Variants in CAMTA1 observed in about 807,000 individuals in gnomAD.
The protein encoded by CAMTA1 is calmodulin binding transcription activator 1.
A neutral mutation model predicts 170.9 loss-of-function variants in CAMTA1; 27 were observed. The ratio of observed to expected loss-of-function variants is 0.16; its 90% CI spans 0.12 to 0.22. The LOEUF (loss-of-function observed/expected upper bound fraction) is 0.22, where lower values mean the gene tolerates loss of function less well. Ranked by LOEUF, CAMTA1 falls within the 10% of genes least tolerant of loss-of-function variation. The probability of loss-of-function intolerance (pLI) is 1.00; values close to 1 mark genes in which losing one functional copy is unlikely to be tolerated. For missense variants in CAMTA1, 1,619 were observed against 2,217.2 expected (o/e 0.73, Z 5.42); for synonymous variants, 833 against 891.5 (o/e 0.93, Z 1.17).
In CAMTA1 at chr1:7,534,240, C is replaced by T. The variant is rs1372983800; in HGVS notation, c.510+66339C>T. The stretch of plus-strand genomic sequence containing the variant: ...ATTAGTCTTTCCTTTCCGTGAGAAA[C>T]ATCATAACGTTCAGCAGAGCCCAGG... On this transcript the variant is annotated intron_variant, in intron 6 of 22. Transcript: ENST00000303635. This position sits in a 1 kb window ranked among gnomAD's most constrained non-coding sequence, Gnocchi z 5.6. 6.6e-6 allele frequency among the ~76,000 whole-genome samples: 1 copy of T among 152,186 alleles called. No individual in the cohort carries two copies. The highest frequency in any genetic ancestry group is 1.5e-5 in the Non-Finnish European group (1 of 68,034).
intron 6 of CAMTA1, among the ~76,000 whole-genome samples, chr1:7,523,528 A>G (rs548096613): frequency 1.3e-5 from 2 of 152,204 alleles, no homozygotes; most frequent in Non-Finnish European, 2.9e-5. Context: ...CTCCATTGGC[A>G]TGTTGTCATT....
rs11578956 is a variant in CAMTA1, at chr1:7,228,105, C to T, written c.303-21386C>T. Among the ~76,000 whole-genome samples the T allele has an allele frequency of 4.8e-3, 727 of 152,342 alleles. 3 individuals are homozygous for T. The highest frequency in any genetic ancestry group is 9.7e-3 in the Admixed American group (148 of 15,302). ...AGAAGGAACTGGTTGCATTAAACAG[C>T]CTTATTAATATTGCAGTAACATGAT... On this transcript the variant is annotated intron_variant, in intron 4 of 22. Coordinates refer to ENST00000303635, the MANE Select transcript of CAMTA1 (RefSeq NM_015215.4).
At position 7,707,374 on chromosome 1, in the gene CAMTA1, G is replaced by T. The variant is rs904910209; in HGVS notation, c.2915-25074G>T. Among the ~76,000 whole-genome samples, 3 of 151,996 alleles carry T rather than the reference G, an allele frequency of 2.0e-5. No individual in the cohort carries two copies. The South Asian group carries it at 6.2e-4, about 32-fold the overall frequency. ...TGGTTGATATGAAAGTTTCCCGAGTGAAAGGTGTGAGGCTCTTTTTGAAAC... is the reference window on the plus strand; with the variant it reads ...TGGTTGATATGAAAGTTTCCCGAGTTAAAGGTGTGAGGCTCTTTTTGAAAC... On this transcript the variant is annotated intron_variant, in intron 11 of 22. Transcript: ENST00000303635.
intron 22 of CAMTA1, among the ~76,000 whole-genome samples, chr1:7,758,195 G>A (rs182109639): frequency 3.2e-4 from 49 of 152,254 alleles, no homozygotes; most frequent in African/African-American, 1.1e-3. Context: ...TTGCTTATGC[G>A]TTTTTGAAAC....
intron 3 of CAMTA1, among the ~76,000 whole-genome samples, chr1:6,892,391 A>T (rs1356758684): frequency 6.6e-6 from 1 of 152,178 alleles, no homozygotes; most frequent in South Asian, 2.1e-4. Context: ...TGTGGGTTAC[A>T]TATTGTGCTA....
At chr1:7,008,892 T>C (rs1318459440) in intron 3 of CAMTA1, among the ~76,000 whole-genome samples, 1 of 152,270 alleles carries the variant, frequency 6.6e-6, no homozygotes, top group African/African-American at 2.4e-5. Context: ...ATAAATGTTA[T>C]GGTTTAATGT....
chr1:7,194,086 C>CTGTT (rs1655065265), intron 4 of CAMTA1, among the ~76,000 whole-genome samples: 1 of 152,206 alleles, frequency 6.6e-6, no homozygotes, highest in Admixed American at 6.5e-5. Context: ...TTAAAGGATG[C>CTGTT]ATATTAAAAG....
intron 5 of CAMTA1, among the ~76,000 whole-genome samples, chr1:7,353,407 A>G (rs945983828): frequency 6.0e-5 from 8 of 132,404 alleles, no homozygotes; most frequent in African/African-American, 2.2e-4. Flanking sequence ...CCAAATCTGA[A>G]CTCTTTTTTT....
rs1161968831 is a variant in CAMTA1, at chr1:6,963,270, GGCCCCCCC to G, written c.235-128033_235-128026del. On this transcript the variant is annotated intron_variant, in intron 3 of 22. Transcript: ENST00000303635. ...CCCATCTGGCTCCTCCCACCCACCT[GGCCCCCCC>G]CCCCCCCCCGCTTTCCATCCCGGCC... Among the ~76,000 whole-genome samples, 6 of 5,462 alleles carry G rather than the reference GGCCCCCCC, an allele frequency of 1.1e-3. 1 individual carries two copies. Among genetic ancestry groups the G allele is most frequent in the Admixed American group, 4.8e-3 (3 of 624 alleles). The allele number at this position is 5,462 out of a possible 152,430, so 3.6% of individuals were successfully genotyped here. A position where few individuals can be genotyped will look rare whatever the true frequency, so the allele number is the denominator to read the frequency against.
chr1:7,253,395 G>A (rs980693137), intron 5 of CAMTA1, among the ~76,000 whole-genome samples: 2 of 152,170 alleles, frequency 1.3e-5, no homozygotes, highest in African/African-American at 4.8e-5. Flanking sequence ...GGCCCCAGAA[G>A]CTTGTGGGGC....
At chr1:7,174,241 C>G (rs529440710) in intron 4 of CAMTA1, among the ~76,000 whole-genome samples, 73 of 152,140 alleles carry the variant, frequency 4.8e-4, no homozygotes, top group Non-Finnish European at 3.2e-4. Flanking sequence ...GTACAAACAG[C>G]CCCAGCTGCA....
chr1:7,065,740 CT>C lies in CAMTA1; in HGVS notation c.235-25563del. ...AGGTGGAAGCCCTAGGTCAAAATAT[CT>C]GACTGCAGAAAAGACCAGTCAGGGA... On this transcript the variant is annotated intron_variant, in intron 3 of 22. Coordinates refer to ENST00000303635, the MANE Select transcript of CAMTA1 (RefSeq NM_015215.4). The surrounding 1 kb of genome is among the most constrained non-coding windows in gnomAD (Gnocchi z 5.2). 6.6e-6 allele frequency among the ~76,000 whole-genome samples: 1 copy of C among 152,288 alleles called. No homozygotes were observed. The highest frequency in any genetic ancestry group is 2.4e-5 in the African/African-American group (1 of 41,558).
intron 6 of CAMTA1, among the ~76,000 whole-genome samples, chr1:7,572,166 G>A (rs2095133497): frequency 6.6e-6 from 1 of 152,088 alleles, no homozygotes; most frequent in Admixed American, 6.6e-5. Flanking sequence ...ATGTCCTTTT[G>A]CCTATGTTTT....
intron 16 of CAMTA1, among the ~76,000 whole-genome samples, chr1:7,739,070 A>G (rs2096791598): frequency 6.6e-6 from 1 of 152,200 alleles, no homozygotes; most frequent in Admixed American, 6.5e-5. Flanking sequence ...GAGAATATAT[A>G]CCAAAATAAA....
chr1:7,024,636 G>A (rs756131075), intron 3 of CAMTA1, among the ~76,000 whole-genome samples: 1 of 152,212 alleles, frequency 6.6e-6, no homozygotes, highest in Non-Finnish European at 1.5e-5. Flanking sequence ...TTCTAGGGCC[G>A]TGTCTGCTCC....
rs188469140 is a variant in CAMTA1, at chr1:7,510,373, C to T, written c.510+42472C>T. ...GGCTGGCATTGGAGGGTCCATCCCA[C>T]CTCTGACACCTGCTGGCATTGATGC... On this transcript the variant is annotated intron_variant, in intron 6 of 22. Coordinates refer to ENST00000303635, the MANE Select transcript of CAMTA1 (RefSeq NM_015215.4). 3.4e-3 allele frequency among the ~76,000 whole-genome samples: 502 copies of T among 145,676 alleles called. 30 individuals are homozygous for T. Among genetic ancestry groups the T allele is most frequent in the African/African-American group, 0.012 (484 of 40,820 alleles).
intron 3 of CAMTA1, among the ~76,000 whole-genome samples, chr1:7,066,391 G>T (rs1708969159): frequency 6.6e-6 from 1 of 152,222 alleles, no homozygotes; most frequent in African/African-American, 2.4e-5. Context: ...GATAAACAGG[G>T]TGTGTCATTT....
Position 7,640,524 on chromosome 1 carries a change from A to T in CAMTA1, c.635A>T (p.Glu212Val). Residue 212 changes from glutamate to valine, a missense_variant, in exon 7 of 23, where the codon GAA becomes GTA. Glu to Val is a moderately radical substitution (Grantham distance 121). Around this residue, in one of 8 missense-constraint regions of CAMTA1, gnomAD observed 97 missense variants for 225.4 expected, o/e 0.43. Transcript: ENST00000303635. ...AAGGAGTGGGCGAAATGGACGAAAG[A>T]AGAGCTCATCGGGCAGCTGAAACCC... Reference protein sequence around the residue: ...DKKEWAKWTKEELIGQLKPMF... With the variant: ...DKKEWAKWTKVELIGQLKPMF... 6.2e-7 allele frequency: 1 copy of T among 1,614,220 alleles called. No individual in the cohort carries two copies. Among genetic ancestry groups the T allele is most frequent in the Non-Finnish European group, 8.5e-7 (1 of 1,180,040 alleles).
In CAMTA1 at chr1:6,922,530, C is replaced by T. The variant is rs558010455; in HGVS notation, c.234+97320C>T. 1.9e-3 allele frequency among the ~76,000 whole-genome samples: 289 copies of T among 152,302 alleles called. 1 individual carries two copies. The highest frequency in any genetic ancestry group is 6.5e-3 in the African/African-American group (271 of 41,558). On this transcript the variant is annotated intron_variant, in intron 3 of 22. Coordinates refer to ENST00000303635, the MANE Select transcript of CAMTA1 (RefSeq NM_015215.4). The stretch of plus-strand genomic sequence containing the variant: ...AGAGCAGCCAGGGCTCCTCTGGCAT[C>T]CCTTTCTCCATGTGGTTTTCAGCAT...
Sources: allele counts gnomAD v4.1 joint callset (sites outside exome capture counted in the v4.1 genomes callset), GRCh38; gene constraint gnomAD v4.1.1; regional missense constraint gnomAD v4.1.1; non-coding constraint Gnocchi (gnomAD v3.1); transcripts MANE v1.5; gene names NCBI Gene and HGNC (gene_info 2026-07-23, HGNC 2026-07-21).